NOL8: variants seen among roughly 807,000 people sequenced by gnomAD.
NOL8 encodes the protein nucleolar protein 8, also known as nucleolar protein Nop132.
In NOL8, 93 loss-of-function variants were observed where a neutral mutation model predicts 116.1. The ratio of observed to expected loss-of-function variants is 0.80; its 90% CI spans 0.68 to 0.95. NOL8 has a LOEUF of 0.95. Ranked by LOEUF, NOL8 falls within the 40% of genes least tolerant of loss-of-function variation. NOL8 has a pLI of 0.00. For missense variants in NOL8, 1,291 were observed against 1,382.8 expected (o/e 0.93, Z 1.05); for synonymous variants, 419 against 469.0 (o/e 0.89, Z 1.38).
intron 3 of NOL8, among the ~76,000 whole-genome samples, chr9:92,322,407 G>C (rs1840003735): frequency 6.6e-6 from 1 of 152,148 alleles, no homozygotes; most frequent in Non-Finnish European, 1.5e-5. Context: ...CTGTCGCCCA[G>C]GCTGGAGTGC....
At chr9:92,310,059 C>T (rs1564217030) in intron 10 of NOL8, 112 bp downstream of exon 10, 6 of 719,826 alleles carry the variant, frequency 8.3e-6, no homozygotes, top group Non-Finnish European at 9.3e-6. Context: ...ACTCCTCAAT[C>T]CAATGTCTTG....
chr9:92,300,506 CA>C, intron 13 of NOL8: 2 of 991,654 alleles, frequency 2.0e-6, no homozygotes, highest in Non-Finnish European at 2.4e-6. Context: ...AATCACCTCA[CA>C]AGTCTTCAAA....
intron 12 of NOL8, 125 bp from the exon 13 acceptor site, chr9:92,301,947 C>G: frequency 1.4e-6 from 1 of 725,894 alleles, no homozygotes; most frequent in South Asian, 2.2e-5. Context: ...GAATATAAAA[C>G]TCTACTTATA....
At position 92,315,396 on chromosome 9, in the gene NOL8, G is replaced by T; in HGVS notation, c.1229C>A (p.Thr410Asn). The T allele has an allele frequency of 6.3e-7, 1 of 1,594,252 alleles. No homozygotes were observed. Among genetic ancestry groups the T allele is most frequent in the Non-Finnish European group, 8.6e-7 (1 of 1,168,862 alleles). The change falls in exon 7 of 17, where the codon ACT becomes AAT. Residue 410 changes from threonine to asparagine, a missense_variant. Thr to Asn is a moderately conservative substitution (Grantham distance 65). Coordinates refer to ENST00000442668, the MANE Select transcript of NOL8 (RefSeq NM_017948.6). The stretch of plus-strand genomic sequence containing the variant: ...ACAGTTTTCTCTATTTTTGAAAGAA[G>T]TTTTCTTCGTAGATTTTTCCATTTG... ...FSQMEKSTKK[T>N]SFKNRENCEL...
intron 6 of NOL8, among the ~76,000 whole-genome samples, chr9:92,316,702 T>C (rs1044733844): frequency 1.3e-5 from 2 of 152,102 alleles, no homozygotes; most frequent in African/African-American, 2.4e-5. Context: ...ATGCCTGTAA[T>C]CCCAGCACTT....
chr9:92,301,807 T>C lies in NOL8; in HGVS notation c.2919A>G (p.Lys973=). 1.9e-6 allele frequency: 3 copies of C among 1,588,552 alleles called. No homozygotes were observed. The highest frequency in any genetic ancestry group is 2.6e-6 in the Non-Finnish European group (3 of 1,166,578). The change falls in exon 13 of 17, where the codon AAA becomes AAG. Residue 973 remains lysine (K), a synonymous_variant. Transcript: ENST00000442668. ...GTTTCTCAGCTTCCTCCCTTTTCTT[T>C]TTTCGTTTTGCTTTACTGAAATGAC... ...DKPKESKAKR[K]KKREEAEKLP...
rs1325417605 is a variant in NOL8 at position 92,298,937 on chromosome 9, T to A, written c.3320A>T (p.Glu1107Val). The change falls in exon 15 of 17, where the codon GAG becomes GTG. Residue 1107 changes from glutamate to valine, a missense_variant. Glu to Val is a moderately radical substitution (Grantham distance 121). Transcript: ENST00000442668. Reference sequence around the variant, plus strand: ...AAAGAAAAATCTAGTGGTCTCTTTCTCAAGTAATGATGCTTCTCTGAAAAG... The same window carrying A: ...AAAGAAAAATCTAGTGGTCTCTTTCACAAGTAATGATGCTTCTCTGAAAAG... The part of the protein sequence containing the change: ...NSSPGEASLL[E>V]KETTRFFFFS... The A allele has an allele frequency of 2.0e-6, 3 of 1,526,088 alleles. No individual in the cohort carries two copies. The highest frequency in any genetic ancestry group is 2.0e-5 in the Admixed American group (1 of 49,114). The allele number at this position is 1,526,088 out of a possible 1,614,324, so 94.5% of individuals were successfully genotyped here.
Position 92,319,847 on chromosome 9 carries a change from T to A in NOL8, c.282-491A>T, listed in dbSNP as rs1839771594. 2.8e-5 allele frequency: 10 copies of A among 355,478 alleles called. 1 individual carries two copies. Among genetic ancestry groups the A allele is most frequent in the South Asian group, 2.2e-4 (10 of 46,128 alleles). The allele number at this position is 355,478 out of a possible 1,614,324, so 22.0% of individuals were successfully genotyped here. On this transcript the variant is annotated intron_variant, in intron 4 of 16. Transcript: ENST00000442668. ...GTTGGACAGCAGTGACAAGCTGTGCTGTCAGGGCTGTCCCACCAGAGCATG... is the reference window on the plus strand; with the variant it reads ...GTTGGACAGCAGTGACAAGCTGTGCAGTCAGGGCTGTCCCACCAGAGCATG...
Position 92,315,966 on chromosome 9 carries a change from A to T in NOL8, c.659T>A (p.Ile220Lys). 6.2e-7 allele frequency: 1 copy of T among 1,613,756 alleles called. No individual in the cohort carries two copies. Among genetic ancestry groups the T allele is most frequent in the South Asian group, 1.1e-5 (1 of 91,062 alleles). Reference protein sequence around the residue: ...FSDFHGPPKKIIKVQKDESST... With the variant: ...FSDFHGPPKKKIKVQKDESST... ...ACTCTCATCCTTCTGCACTTTTATT[A>T]TCTTCTTGGGAGGGCCATGAAAGTC... The change falls in exon 7 of 17, where the codon ATA becomes AAA. Residue 220 changes from isoleucine (I) to lysine (K), a missense_variant. Ile to Lys is a moderately radical substitution (Grantham distance 102, BLOSUM62 -3). Coordinates refer to ENST00000442668, the MANE Select transcript of NOL8 (RefSeq NM_017948.6).
In NOL8 at chr9:92,315,167, G is replaced by A. The variant is rs1839256572; in HGVS notation, c.1458C>T (p.Leu486=). Residue 486 remains leucine (L), a synonymous_variant, in exon 7 of 17, where the codon CTC becomes CTT. Transcript: ENST00000442668. The part of the protein sequence containing the change: ...AMMKNCLRVN[L]TLADLEQLAG... ...CCAATTGTTCCAAATCAGCTAAAGT[G>A]AGATTCACACGAAGGCAGTTTTTCA... 6.2e-7 allele frequency: 1 copy of A among 1,613,982 alleles called. No individual in the cohort carries two copies. The highest frequency in any genetic ancestry group is 8.5e-7 in the Non-Finnish European group (1 of 1,179,886).
At chr9:92,313,606 TAA>T (rs1419611948) in intron 7 of NOL8, among the ~76,000 whole-genome samples, 1 of 152,238 alleles carries the variant, frequency 6.6e-6, no homozygotes, top group Non-Finnish European at 1.5e-5. Context: ...TCATGCTGTA[TAA>T]GTTTTAATTA....
At chr9:92,310,097 C>G (rs1197303144) in intron 10 of NOL8, 74 bp downstream of exon 10, 1 of 1,030,918 alleles carries the variant, frequency 9.7e-7, no homozygotes, top group Non-Finnish European at 1.5e-6. Flanking sequence ...ATGTGTTAAA[C>G]AAAGGAGGTA....
chr9:92,302,488 A>T (rs1837839458), intron 12 of NOL8, among the ~76,000 whole-genome samples: 1 of 152,220 alleles, frequency 6.6e-6, no homozygotes, highest in Admixed American at 6.5e-5. Context: ...AGGATATCCT[A>T]AATAACCATT....
At chr9:92,298,107 T>C (rs1371391875) in intron 16 of NOL8, 150 bp downstream of exon 16, 2 of 701,240 alleles carry the variant, frequency 2.9e-6, no homozygotes, top group Non-Finnish European at 4.7e-6. Context: ...TGTTACTTAA[T>C]AGGCTTGGCT....
At chr9:92,308,555 C>A (rs544170885) in intron 10 of NOL8, among the ~76,000 whole-genome samples, 1 of 152,074 alleles carries the variant, frequency 6.6e-6, no homozygotes, top group East Asian at 1.9e-4. Flanking sequence ...AGCAGAACAG[C>A]AAGGAAGAAA....
At chr9:92,300,463 C>T (rs1837639228) in intron 13 of NOL8, 1 of 987,984 alleles carries the variant, frequency 1.0e-6, no homozygotes. Context: ...TTTGCTAGAA[C>T]TGCTGGAAAA....
At chr9:92,313,198 A>G (rs747031247) in intron 7 of NOL8, among the ~76,000 whole-genome samples, 4 of 152,144 alleles carry the variant, frequency 2.6e-5, no homozygotes, top group Non-Finnish European at 4.4e-5. Flanking sequence ...ACTTTTTGGT[A>G]TCAATTCAGT....
In NOL8 at chr9:92,315,740, G is replaced by A. The variant is rs566985084; in HGVS notation, c.885C>T (p.Asn295=). Residue 295 remains asparagine (N), a synonymous_variant, in exon 7 of 17, where the codon AAC becomes AAT. Transcript: ENST00000442668. Reference sequence around the variant, plus strand: ...AATCAGTATCATCATCAGAAATGCTGTTTCTCTTCTTGGCAGTTTCCAAGC... The same window carrying A: ...AATCAGTATCATCATCAGAAATGCTATTTCTCTTCTTGGCAGTTTCCAAGC... ...TSGLETAKKR[N]SISDDDTDSE... The A allele has an allele frequency of 1.9e-6, 3 of 1,613,310 alleles. No homozygotes were observed. In the Admixed American group the frequency reaches 5.0e-5, roughly 27 times the overall value.
chr9:92,319,066 A>G (rs1190504893), intron 5 of NOL8, 155 bp downstream of exon 5: 15 of 719,834 alleles, frequency 2.1e-5, no homozygotes, highest in Non-Finnish European at 2.5e-5. Context: ...AGAGTTGTAA[A>G]TGCACCTTGA....
Sources: allele counts gnomAD v4.1 joint callset (sites outside exome capture counted in the v4.1 genomes callset), GRCh38; gene constraint gnomAD v4.1.1; transcripts MANE v1.5; gene names NCBI Gene and HGNC (gene_info 2026-07-23, HGNC 2026-07-21).